The following TRPM6 variants were observed in gnomAD, a reference collection of about 807,000 sequenced individuals.
TRPM6 encodes transient receptor potential cation channel subfamily M member 6.
In TRPM6, 111 loss-of-function variants were observed where a neutral mutation model predicts 247.6. The ratio of observed to expected loss-of-function variants is 0.45; its 90% CI spans 0.38 to 0.52. The LOEUF is 0.52. Among genes scored for constraint, TRPM6 ranks in the 20% least tolerant of loss-of-function variants. The pLI is 0.00. For synonymous variants in TRPM6, 892 were observed against 853.8 expected (o/e 1.04, Z -0.78); for missense variants, 2,126 against 2,421.5 (o/e 0.88, Z 2.56).
chr9:74,742,179 G>A (rs1825888567), intron 33 of TRPM6, among the ~76,000 whole-genome samples: 1 of 152,148 alleles, frequency 6.6e-6, no homozygotes, highest in African/African-American at 2.4e-5. Context: ...AATACACAAA[G>A]CATTTCTCTT....
In TRPM6 at chr9:74,761,715, GTAT is replaced by G; in HGVS notation, c.4763_4765del (p.Asn1588del). Reference sequence around the variant, plus strand: ...ACTTACTGGCACCTGGAGTCCTTGAGTATTCTTCTTTTTCTTTGACAGTCTCCT... The same window carrying G: ...ACTTACTGGCACCTGGAGTCCTTGAGTCTTCTTTTTCTTTGACAGTCTCCT... On this transcript the variant is annotated inframe_deletion, in exon 27 of 39. Transcript: ENST00000360774. 6.2e-7 allele frequency: 1 copy of G among 1,611,056 alleles called. No individual in the cohort carries two copies. Among genetic ancestry groups the G allele is most frequent in the Non-Finnish European group, 8.5e-7 (1 of 1,177,332 alleles).
intron 33 of TRPM6, among the ~76,000 whole-genome samples, chr9:74,740,222 G>A (rs1395151265): frequency 6.6e-6 from 1 of 152,162 alleles, no homozygotes; most frequent in Non-Finnish European, 1.5e-5. Context: ...GGGGAGAAGG[G>A]ACAAATATCA....
intron 19 of TRPM6, among the ~76,000 whole-genome samples, chr9:74,791,720 A>G (rs758598378): frequency 8.5e-5 from 13 of 152,178 alleles, no homozygotes; most frequent in African/African-American, 1.4e-4. Flanking sequence ...TTCTACCTAT[A>G]TAACACATTC....
At chr9:74,851,420 T>C (rs1015821617) in intron 3 of TRPM6, among the ~76,000 whole-genome samples, 2 of 152,038 alleles carry the variant, frequency 1.3e-5, no homozygotes, top group Non-Finnish European at 2.9e-5. Context: ...TCTCAAAATA[T>C]TTTTCAGGGA....
chr9:74,745,948 A>C (rs1826030152), intron 31 of TRPM6, among the ~76,000 whole-genome samples: 1 of 152,240 alleles, frequency 6.6e-6, no homozygotes, highest in South Asian at 2.1e-4. Context: ...CAACTGCTTA[A>C]AAATGGTATT....
intron 31 of TRPM6, among the ~76,000 whole-genome samples, chr9:74,744,837 G>A (rs1308832172): frequency 6.6e-6 from 1 of 152,146 alleles, no homozygotes; most frequent in Non-Finnish European, 1.5e-5. Flanking sequence ...TTTATACCTC[G>A]CAGAGTAAGC....
intron 27 of TRPM6, 137 bp from the exon 28 acceptor site, chr9:74,755,610 C>G (rs1019850188): frequency 9.3e-7 from 1 of 1,076,296 alleles, no homozygotes; most frequent in Non-Finnish European, 1.4e-6. Flanking sequence ...GAAGTGCTGA[C>G]AAATCCCATC....
chr9:74,790,309 C>T (rs73532474), intron 19 of TRPM6, among the ~76,000 whole-genome samples: 1,819 of 152,182 alleles, frequency 0.012, 36 homozygotes, highest in African/African-American at 0.042. Context: ...CTATACTTCT[C>T]TTGGTCTATA....
intron 24 of TRPM6, among the ~76,000 whole-genome samples, chr9:74,774,815 A>G (rs1442444205): frequency 6.6e-6 from 1 of 152,266 alleles, no homozygotes; most frequent in African/African-American, 2.4e-5. Context: ...ACATCAATGA[A>G]TATTCATACT....
chr9:74,749,011 C>T (rs919196273), intron 30 of TRPM6, among the ~76,000 whole-genome samples: 5 of 152,044 alleles, frequency 3.3e-5, no homozygotes, highest in Non-Finnish European at 7.4e-5. Context: ...TTTTACTGTA[C>T]TTTTTTTGTG....
chr9:74,773,248 T>C (rs1477402536), intron 24 of TRPM6, among the ~76,000 whole-genome samples: 1 of 152,254 alleles, frequency 6.6e-6, no homozygotes, highest in African/African-American at 2.4e-5. Context: ...CTCTTTTAGC[T>C]ATTACAATGA....
chr9:74,735,777 A>G (rs1825676447), intron 36 of TRPM6, among the ~76,000 whole-genome samples: 1 of 152,154 alleles, frequency 6.6e-6, no homozygotes, highest in Non-Finnish European at 1.5e-5. Context: ...GCATAATTAC[A>G]AGTGATTGGA....
chr9:74,884,214 G>A (rs1328704908), intron 1 of TRPM6, among the ~76,000 whole-genome samples: 1 of 152,058 alleles, frequency 6.6e-6, no homozygotes, highest in Non-Finnish European at 1.5e-5. Context: ...TGTATGGCCA[G>A]GCACAGTGGC....
At chr9:74,743,011 T>C (rs1234701405) in intron 32 of TRPM6, among the ~76,000 whole-genome samples, 4 of 152,232 alleles carry the variant, frequency 2.6e-5, no homozygotes, top group Admixed American at 1.3e-4. Flanking sequence ...GGACACCTAC[T>C]GTTCACTTTG....
chr9:74,839,525 T>C (rs1829843569), intron 5 of TRPM6, among the ~76,000 whole-genome samples: 1 of 152,164 alleles, frequency 6.6e-6, no homozygotes, highest in South Asian at 2.1e-4. Flanking sequence ...ACAATGATTA[T>C]ATGAGTTTAG....
chr9:74,876,373 G>T (rs185777981), intron 1 of TRPM6, among the ~76,000 whole-genome samples: 1 of 152,140 alleles, frequency 6.6e-6, no homozygotes, highest in Non-Finnish European at 1.5e-5. Context: ...GTGAGCCACC[G>T]CACCCAGCCA....
chr9:74,792,725 T>A lies in TRPM6; in HGVS notation c.2437A>T (p.Asn813Tyr), dbSNP rs1057515641. 6.2e-7 allele frequency: 1 copy of A among 1,613,918 alleles called. No homozygotes were observed. The highest frequency in any genetic ancestry group is 8.5e-7 in the Non-Finnish European group (1 of 1,179,800). ...ERGHDEKLDE[N>Y]QHFGLESGHQ... The stretch of plus-strand genomic sequence containing the variant: ...CCACTTTCCAAACCAAAATGCTGAT[T>A]TTCATCCAGTTTCTCATCATGGCCC... Residue 813 changes from asparagine (N) to tyrosine (Y), a missense_variant, in exon 19 of 39, where the codon AAT (asparagine) becomes TAT (tyrosine). Transcript: ENST00000360774.
chr9:74,838,802 A>G (rs1222004635), intron 5 of TRPM6, among the ~76,000 whole-genome samples: 2 of 152,116 alleles, frequency 1.3e-5, no homozygotes, highest in Non-Finnish European at 2.9e-5. Context: ...GAGAAAAGTA[A>G]AGGGAAGATA....
At chr9:74,790,531 C>T (rs540856218) in intron 19 of TRPM6, among the ~76,000 whole-genome samples, 58 of 152,254 alleles carry the variant, frequency 3.8e-4, no homozygotes, top group Non-Finnish European at 6.6e-4. Context: ...ATTCCTTATA[C>T]TGGACTCATT....
Sources: gnomAD v4.1 joint callset for allele counts (sites outside exome capture counted in the v4.1 genomes callset) on GRCh38, gnomAD v4.1.1 for gene constraint, MANE v1.5 for transcripts, NCBI Gene and HGNC (gene_info 2026-07-23, HGNC 2026-07-21) for gene names.